The following YLPM1 variants were observed in gnomAD, a reference collection of about 807,000 sequenced individuals.
YLPM1 encodes the protein YLP motif containing 1.
Under a neutral mutation model 230.0 loss-of-function variants are expected in YLPM1, and 99 were observed. That is an observed-to-expected ratio of 0.43 (90% CI 0.37 to 0.51). The LOEUF is 0.51. YLPM1 is among the 20% of genes least tolerant of loss of function. YLPM1 has a pLI of 0.00. For missense variants in YLPM1, 2,592 were observed against 2,707.7 expected (o/e 0.96, Z 0.95); for synonymous variants, 984 against 942.5 (o/e 1.04, Z -0.81).
intron 4 of YLPM1, among the ~76,000 whole-genome samples, chr14:74,787,222 A>G (rs1242710745): frequency 6.6e-6 from 1 of 152,200 alleles, no homozygotes; most frequent in Non-Finnish European, 1.5e-5. Context: ...TATGTATTAC[A>G]AATTTCTCAC....
In YLPM1 at chr14:74,812,692, T is replaced by G. The variant is rs2302834; in HGVS notation, c.5412T>G (p.Pro1804=). 3.7e-6 allele frequency: 6 copies of G among 1,613,004 alleles called. 1 individual carries two copies. Among genetic ancestry groups the G allele is most frequent in the East Asian group, 2.2e-5 (1 of 44,832 alleles). Residue 1804 remains proline (P), a synonymous_variant, in exon 11 of 21, where the codon CCT becomes CCG. Transcript: ENST00000325680. ...PLPAPSLSHQ[P]PPAPRVEKKP... is the part of the protein sequence containing the mutation. Reference sequence around the variant, plus strand: ...CAGCTCCTTCACTGAGCCACCAGCCTCCTCCAGCTCCACGAGTCGAGAAGA... The same window carrying G: ...CAGCTCCTTCACTGAGCCACCAGCCGCCTCCAGCTCCACGAGTCGAGAAGA...
chr14:74,793,261 A>G (rs1051530219), intron 4 of YLPM1, among the ~76,000 whole-genome samples: 1 of 150,462 alleles, frequency 6.6e-6, no homozygotes, highest in African/African-American at 2.4e-5. Context: ...TTCTTCATTC[A>G]TTTTTTTTCT....
rs778221534 is a variant in YLPM1 at position 74,809,724 on chromosome 14, A to G, written c.4866A>G (p.Pro1622=). ...PVHSSIPPPG[P]VPMGMPPMSK... ...ACTCTTCCATTCCCCCTCCTGGCCC[A>G]GTGCCTATGGGTATGCCACCAATGT... is the stretch of plus-strand genomic sequence containing the variant. The change falls in exon 7 of 21, where the codon CCA becomes CCG. Residue 1622 remains proline (P), a synonymous_variant. Coordinates refer to ENST00000325680, the MANE Select transcript of YLPM1 (RefSeq NM_019589.3). 2.2e-5 allele frequency: 35 copies of G among 1,613,908 alleles called. No individual in the cohort carries two copies. Among genetic ancestry groups the G allele is most frequent in the Non-Finnish European group, 2.9e-5 (34 of 1,179,906 alleles).
At chr14:74,831,021 T>G (rs2091605277) in intron 19 of YLPM1, among the ~76,000 whole-genome samples, 1 of 152,232 alleles carries the variant, frequency 6.6e-6, no homozygotes, top group African/African-American at 2.4e-5. Flanking sequence ...TGTATGTCTC[T>G]CTTTACACGC....
chr14:74,791,342 T>A (rs2091204947), intron 4 of YLPM1, among the ~76,000 whole-genome samples: 1 of 152,242 alleles, frequency 6.6e-6, no homozygotes, highest in Admixed American at 6.5e-5. Context: ...GTATTTCAAA[T>A]GGTTTCAACA....
Position 74,780,543 on chromosome 14 carries a change from C to T in YLPM1, c.1249C>T (p.Gln417Ter). Residue 417 changes from glutamine to a stop codon, truncating the protein, a stop_gained, in exon 3 of 21, where the codon CAA becomes TAA. Coordinates refer to ENST00000325680, the MANE Select transcript of YLPM1 (RefSeq NM_019589.3). LOFTEE classifies it high-confidence loss of function. The stretch of plus-strand genomic sequence containing the variant: ...GCACACTCAGTTACAGCAGATTCTA[C>T]AACAGTATCAGCAGATTATACAGCC... ...QKHTQLQQILQQYQQIIQPPP... is the reference protein window; with the variant it reads ...QKHTQLQQIL 1 of 1,613,916 alleles carries T rather than the reference C, an allele frequency of 6.2e-7. No individual in the cohort carries two copies.
At position 74,836,287 on chromosome 14, in the gene YLPM1, T is replaced by C. The variant is rs551851240; in HGVS notation, c.*549T>C. ...GCTAGCTGAACATCCCAAAACCTTT[T>C]TTTCATTGAATATTATATGGCTCAA... On this transcript the variant is annotated 3_prime_UTR_variant, in exon 21 of 21. Coordinates refer to ENST00000325680, the MANE Select transcript of YLPM1 (RefSeq NM_019589.3). 6.5e-6 allele frequency: 1 copy of C among 153,378 alleles called. No homozygotes were observed. The highest frequency in any genetic ancestry group is 1.5e-5 in the Non-Finnish European group (1 of 68,718). 9.5% of individuals were successfully genotyped at this position (153,378 alleles called of 1,614,324 possible). A position where few individuals can be genotyped will look rare whatever the true frequency, so the allele number is the denominator to read the frequency against.
chr14:74,767,554 C>T (rs1284019991), intron 1 of YLPM1, among the ~76,000 whole-genome samples: 1 of 152,190 alleles, frequency 6.6e-6, no homozygotes, highest in Non-Finnish European at 1.5e-5. Context: ...AACAGCGTCC[C>T]TGACCTCTAC....
intron 1 of YLPM1, among the ~76,000 whole-genome samples, chr14:74,774,613 A>G (rs2091014135): frequency 2.6e-5 from 4 of 152,036 alleles, no homozygotes; most frequent in Admixed American, 2.6e-4. Context: ...TCACCGTGTT[A>G]GCCAGGATGG....
At chr14:74,824,420 C>T in intron 18 of YLPM1, 113 bp downstream of exon 18, 1 of 1,032,032 alleles carries the variant, frequency 9.7e-7, no homozygotes, top group East Asian at 2.7e-5. Flanking sequence ...ACAGAGATTT[C>T]TGGCCTACCT....
chr14:74,811,870 C>A, intron 10 of YLPM1, 132 bp downstream of exon 10: 2 of 568,398 alleles, frequency 3.5e-6, no homozygotes, highest in Non-Finnish European at 5.9e-6. Context: ...GTGGCATTGT[C>A]CTAAAAAATA....
rs750911684 is a variant in YLPM1 at position 74,781,716 on chromosome 14, C to G, written c.1673C>G (p.Pro558Arg). 1.2e-6 allele frequency: 2 copies of G among 1,613,262 alleles called. No homozygotes were observed. Among genetic ancestry groups the G allele is most frequent in the African/African-American group, 1.3e-5 (1 of 74,734 alleles). The change falls in exon 4 of 21, where the codon CCT becomes CGT. Residue 558 changes from proline to arginine, a missense_variant. Physicochemically the swap from Pro to Arg is moderately radical, Grantham distance 103. Around this residue, in one of 4 missense-constraint regions of YLPM1, gnomAD observed 1,862 missense variants for 1,819.8 expected, o/e 1.02. Transcript: ENST00000325680. ...PPALPATVPP[P>R]GMPPPVMPPS... ...GCCCTCCCTGCTACAGTGCCACCAC[C>G]TGGCATGCCCCCACCTGTTATGCCA... is the stretch of plus-strand genomic sequence containing the variant.
At chr14:74,769,587 A>AT (rs34503309) in intron 1 of YLPM1, among the ~76,000 whole-genome samples, 18,238 of 147,730 alleles carry the variant, frequency 0.12, 1,721 homozygotes, top group African/African-American at 0.27. Context: ...GTGCCCGGCC[A>AT]TTTTTTTTTG....
chr14:74,816,339 G>C (rs2091478141), intron 12 of YLPM1, 74 bp downstream of exon 12: 2 of 1,469,210 alleles, frequency 1.4e-6, no homozygotes. Context: ...CTTATTAATA[G>C]CAAGCAACAT....
Position 74,763,347 on chromosome 14 carries a change from C to A in YLPM1, c.-143C>A, listed in dbSNP as rs955933735. 6 of 1,047,032 alleles carry A rather than the reference C, an allele frequency of 5.7e-6. No individual in the cohort carries two copies. The highest frequency in any genetic ancestry group is 7.5e-6 in the Non-Finnish European group (6 of 796,396). The allele number at this position is 1,047,032 out of a possible 1,614,324, so 64.9% of individuals were successfully genotyped here. A position where few individuals can be genotyped will look rare whatever the true frequency, so the allele number is the denominator to read the frequency against. ...GGTCGCGGGCCCAGCTCGGGAGCGC[C>A]GGCGCACTGGCGCGCTCCGTTTACA... On this transcript the variant is annotated 5_prime_UTR_variant, in exon 1 of 21. Coordinates refer to ENST00000325680, the MANE Select transcript of YLPM1 (RefSeq NM_019589.3).
At chr14:74,799,961 G>C (rs1053574916) in intron 5 of YLPM1, among the ~76,000 whole-genome samples, 2 of 152,200 alleles carry the variant, frequency 1.3e-5, no homozygotes, top group African/African-American at 4.8e-5. Context: ...TGCCATGCCT[G>C]TGCATGTTTC....
At chr14:74,801,954 C>T (rs1025715645) in intron 5 of YLPM1, among the ~76,000 whole-genome samples, 14 of 151,860 alleles carry the variant, frequency 9.2e-5, no homozygotes, top group African/African-American at 2.4e-4. Flanking sequence ...TGGTGGCTTA[C>T]GCCTGTAATC....
intron 1 of YLPM1, among the ~76,000 whole-genome samples, 188 bp from the exon 2 acceptor site, chr14:74,778,259 G>A (rs1289920370): frequency 6.6e-6 from 1 of 152,176 alleles, no homozygotes; most frequent in Non-Finnish European, 1.5e-5. Flanking sequence ...AAATTTGGGG[G>A]AGGAACTGAA....
intron 20 of YLPM1, 45 bp downstream of exon 20, chr14:74,835,492 C>T: frequency 6.5e-7 from 1 of 1,530,960 alleles, no homozygotes; most frequent in South Asian, 1.3e-5. Flanking sequence ...GTGGTTGCTT[C>T]AAAGGGTTTG....
Sources: gnomAD v4.1 joint callset for allele counts (sites outside exome capture counted in the v4.1 genomes callset) on GRCh38, gnomAD v4.1.1 for gene constraint, gnomAD v4.1.1 regional missense constraint, MANE v1.5 for transcripts, NCBI Gene and HGNC (gene_info 2026-07-23, HGNC 2026-07-21) for gene names.